NEK8: variants seen among roughly 807,000 people sequenced by gnomAD.
NEK8 encodes the protein NIMA related kinase 8.
In NEK8, 51 loss-of-function variants were observed where a neutral mutation model predicts 77.2. The ratio of observed to expected loss-of-function variants is 0.66; its 90% CI spans 0.53 to 0.83. The LOEUF (loss-of-function observed/expected upper bound fraction) is 0.83, where lower values mean the gene tolerates loss of function less well. Ranked by LOEUF, NEK8 falls within the 40% of genes least tolerant of loss-of-function variation. NEK8 has a pLI of 0.00. For synonymous variants in NEK8, 365 were observed against 363.2 expected, an observed-to-expected ratio of 1.00 and a Z score of -0.06; for missense variants, 787 against 909.2, an observed-to-expected ratio of 0.87 and a Z score of 1.73.
At chr17:28,735,454 C>A in intron 4 of NEK8, 83 bp downstream of exon 4, 2 of 1,464,038 alleles carry the variant, frequency 1.4e-6, no homozygotes. Context: ...CCTCAGGTTT[C>A]TCCTCTAGCT....
chr17:28,735,247 GT>G lies in NEK8; in HGVS notation c.495del (p.Thr166ProfsTer48). On this transcript the variant is annotated frameshift_variant, in exon 4 of 15. Coordinates refer to ENST00000268766, the MANE Select transcript of NEK8 (RefSeq NM_178170.3). LOFTEE classifies it high-confidence loss of function. ...SSKSKAYTVV[G>X]TPCYISPELC... ...CCAGCTTCTATCCTGCAGGTGGTGG[GT>G]ACCCCATGCTATATCTCCCCTGAGC... 1 of 1,614,062 alleles carries G rather than the reference GT, an allele frequency of 6.2e-7. No homozygotes were observed. The highest frequency in any genetic ancestry group is 8.5e-7 in the Non-Finnish European group (1 of 1,179,982).
chr17:28,735,803 T>C (rs892138535), intron 4 of NEK8, among the ~76,000 whole-genome samples: 1 of 152,118 alleles, frequency 6.6e-6, no homozygotes, highest in Non-Finnish European at 1.5e-5. Context: ...TACTTTAAGT[T>C]TTAGGGCACA....
At chr17:28,736,522 C>T (rs1056536307) in intron 4 of NEK8, among the ~76,000 whole-genome samples, 2 of 152,200 alleles carry the variant, frequency 1.3e-5, no homozygotes, top group African/African-American at 4.8e-5. Context: ...TCTTGATGGC[C>T]AGTGATGATG....
rs770252502 is a variant in NEK8, at chr17:28,738,719, G to A, written c.1271G>A (p.Gly424Asp). 1 of 1,614,138 alleles carries A rather than the reference G, an allele frequency of 6.2e-7. No individual in the cohort carries two copies. The highest frequency in any genetic ancestry group is 8.5e-7 in the Non-Finnish European group (1 of 1,179,978). ...TFGSGSNGCLGHGSLTDISQP... is the reference protein window; with the variant it reads ...TFGSGSNGCLDHGSLTDISQP... ...GGCAGCGGCAGCAATGGGTGCCTAG[G>A]CCATGGCAGCCTCACTGACATCAGC... The change falls in exon 9 of 15, where the codon GGC becomes GAC. Residue 424 changes from glycine (G) to aspartate (D), a missense_variant. Gly to Asp is a moderately conservative substitution (Grantham distance 94). Coordinates refer to ENST00000268766, the MANE Select transcript of NEK8 (RefSeq NM_178170.3).
Position 28,742,302 on chromosome 17 carries a change from G to A in NEK8, c.*315G>A. 1 of 501,334 alleles carries A rather than the reference G, an allele frequency of 2.0e-6. No homozygotes were observed. The highest frequency in any genetic ancestry group is 1.9e-5 in the African/African-American group (1 of 51,536). 31.1% of individuals were successfully genotyped at this position (501,334 alleles called of 1,614,324 possible). Reference sequence around the variant, plus strand: ...GGCCTCCAGAGCCTTGCCATAAAAAGGCTGAAGGCAGCCGGGCGCAGTGGC... The same window carrying A: ...GGCCTCCAGAGCCTTGCCATAAAAAAGCTGAAGGCAGCCGGGCGCAGTGGC... On this transcript the variant is annotated 3_prime_UTR_variant, in exon 15 of 15. Coordinates refer to ENST00000268766, the MANE Select transcript of NEK8 (RefSeq NM_178170.3).
Position 28,738,083 on chromosome 17 carries a change from C to G in NEK8, c.1072-12C>G, listed in dbSNP as rs780977790. On this transcript the variant is annotated splice_polypyrimidine_tract_variant and intron_variant, in intron 7 of 14. Transcript: ENST00000268766. ...GGGTGCTCAGGCGCTGCCCATCCCC[C>G]TGCCCCTGCAGGCCCCACCCCTAGG... is the stretch of plus-strand genomic sequence containing the variant. 23 of 1,612,874 alleles carry G rather than the reference C, an allele frequency of 1.4e-5. No homozygotes were observed. The highest frequency in any genetic ancestry group is 1.9e-5 in the Non-Finnish European group (22 of 1,179,628).
intron 1 of NEK8, among the ~76,000 whole-genome samples, chr17:28,731,908 A>ATTTTTTTTTTT (rs71135844): frequency 1.7e-4 from 9 of 52,528 alleles, no homozygotes; most frequent in East Asian, 6.0e-4. Context: ...CCTGGCCCCA[A>ATTTTTTTTTTT]TTTTTTTTTT....
chr17:28,734,292 G>C (rs2034339605), intron 2 of NEK8, 104 bp downstream of exon 2: 1 of 1,049,174 alleles, frequency 9.5e-7, no homozygotes, highest in South Asian at 1.3e-5. Context: ...CATGGCCAAG[G>C]GTTAGAGTTC....
rs778201727 is a variant in NEK8 at position 28,737,895 on chromosome 17, C to T, written c.966C>T (p.Gly322=). ...SSVYAWGGGL[G]TPLRLPMLNT... is the part of the protein sequence containing the mutation. ...TGTATGCCTGGGGTGGTGGGCTGGG[C>T]ACCCCCCTGCGGCTGCCAATGCTCA... The change falls in exon 7 of 15, where the codon GGC becomes GGT. Residue 322 remains glycine, a synonymous_variant. Coordinates refer to ENST00000268766, the MANE Select transcript of NEK8 (RefSeq NM_178170.3). This position sits in a 1 kb window ranked among gnomAD's most constrained non-coding sequence, Gnocchi z 4.8. 52 of 1,613,642 alleles carry T rather than the reference C, an allele frequency of 3.2e-5. No homozygotes were observed. The highest frequency in any genetic ancestry group is 4.1e-5 in the Non-Finnish European group (48 of 1,179,980).
At position 28,735,012 on chromosome 17, in the gene NEK8, G is replaced by C; in HGVS notation, c.486+8G>C. On this transcript the variant is annotated splice_region_variant and intron_variant, in intron 3 of 14. Coordinates refer to ENST00000268766, the MANE Select transcript of NEK8 (RefSeq NM_178170.3). ...AAGAGCAAGGCCTACACGGTGCCTG[G>C]GCATGGAAGGGACCTCCAGGGCACT... 1.9e-6 allele frequency: 3 copies of C among 1,597,914 alleles called. No individual in the cohort carries two copies. Among genetic ancestry groups the C allele is most frequent in the Non-Finnish European group, 2.6e-6 (3 of 1,168,640 alleles).
Position 28,734,398 on chromosome 17 carries a change from G to A in NEK8, c.253+210G>A, listed in dbSNP as rs563372561. Reference sequence around the variant, plus strand: ...AGGAGAGGGGTTGTTGGCTGGGCACGGTGGCTCATGCCTGTAATCTCAGCA... The same window carrying A: ...AGGAGAGGGGTTGTTGGCTGGGCACAGTGGCTCATGCCTGTAATCTCAGCA... On this transcript the variant is annotated intron_variant, in intron 2 of 14. Transcript: ENST00000268766. The A allele has an allele frequency of 1.7e-3, 1,060 of 607,884 alleles. 2 individuals are homozygous for A. Among genetic ancestry groups the A allele is most frequent in the Non-Finnish European group, 2.8e-3 (945 of 342,376 alleles). 37.7% of individuals were successfully genotyped at this position (607,884 alleles called of 1,614,324 possible). A position where few individuals can be genotyped will look rare whatever the true frequency, so the allele number is the denominator to read the frequency against.
chr17:28,732,289 TA>T (rs980735011), intron 1 of NEK8, among the ~76,000 whole-genome samples: 2 of 150,968 alleles, frequency 1.3e-5, no homozygotes. Context: ...CCCATATCTA[TA>T]AAAAAAAGAA....
chr17:28,732,201 C>T (rs2034314696), intron 1 of NEK8, among the ~76,000 whole-genome samples: 1 of 151,670 alleles, frequency 6.6e-6, no homozygotes, highest in Non-Finnish European at 1.5e-5. Context: ...TGCCCATAAT[C>T]CCAGCACTTT....
rs1567761142 is a variant in NEK8, at chr17:28,738,720, C to T, written c.1272C>T (p.Gly424=). Residue 424 remains glycine (G), a synonymous_variant, in exon 9 of 15, where the codon GGC becomes GGT. Coordinates refer to ENST00000268766, the MANE Select transcript of NEK8 (RefSeq NM_178170.3). ...GCAGCGGCAGCAATGGGTGCCTAGG[C>T]CATGGCAGCCTCACTGACATCAGCC... ...TFGSGSNGCL[G]HGSLTDISQP... 3 of 1,613,988 alleles carry T rather than the reference C, an allele frequency of 1.9e-6. No homozygotes were observed. Among genetic ancestry groups the T allele is most frequent in the Non-Finnish European group, 2.5e-6 (3 of 1,179,916 alleles).
chr17:28,741,939 TTC>T lies in NEK8; in HGVS notation c.2051-16_2051-15del. 1 of 1,614,008 alleles carries T rather than the reference TTC, an allele frequency of 6.2e-7. No individual in the cohort carries two copies. Among genetic ancestry groups the T allele is most frequent in the Non-Finnish European group, 8.5e-7 (1 of 1,179,940 alleles). On this transcript the variant is annotated intron_variant, in intron 14 of 14. Coordinates refer to ENST00000268766, the MANE Select transcript of NEK8 (RefSeq NM_178170.3). This position sits in a 1 kb window ranked among gnomAD's most constrained non-coding sequence, Gnocchi z 4.5. ...CACTGCCCTCAGAAGCTGCAAGGGTTTCTCTTCGGTACCCTCCAGCGGTCACA... is the reference window on the plus strand; with the variant it reads ...CACTGCCCTCAGAAGCTGCAAGGGTTTCTTCGGTACCCTCCAGCGGTCACA...
At chr17:28,734,674 G>C in intron 2 of NEK8, 98 bp from the exon 3 acceptor site, 1 of 821,538 alleles carries the variant, frequency 1.2e-6, no homozygotes. Context: ...GCAACAGAGC[G>C]AGACTCCATC....
intron 1 of NEK8, among the ~76,000 whole-genome samples, chr17:28,731,237 C>CA (rs932649141): frequency 2.7e-4 from 39 of 142,410 alleles, no homozygotes; most frequent in African/African-American, 6.5e-4. Context: ...AACTCTGTCT[C>CA]AAAAAAAAAT....
rs187185944 is a variant in NEK8, at chr17:28,728,912, C to A, written c.47+52C>A. ...CTGCTAGGGGATAGGGAAAATAAGC[C>A]CCAATTCCGCCCGCGAAGTCGCCGC... On this transcript the variant is annotated intron_variant, in intron 1 of 14. Coordinates refer to ENST00000268766, the MANE Select transcript of NEK8 (RefSeq NM_178170.3). 6.0e-4 allele frequency: 886 copies of A among 1,470,782 alleles called. 8 individuals carry two copies. The Middle Eastern group carries it at 8.8e-3, about 15-fold the overall frequency. 91.1% of individuals were successfully genotyped at this position (1,470,782 alleles called of 1,614,324 possible).
intron 1 of NEK8, among the ~76,000 whole-genome samples, chr17:28,732,744 G>C (rs1332863201): frequency 2.6e-5 from 4 of 151,792 alleles, no homozygotes; most frequent in African/African-American, 9.7e-5. Context: ...TGGAGATGGG[G>C]TTTCACCATT....
Sources: allele counts gnomAD v4.1 joint callset (sites outside exome capture counted in the v4.1 genomes callset), GRCh38; gene constraint gnomAD v4.1.1; non-coding constraint Gnocchi (gnomAD v3.1); transcripts MANE v1.5; gene names NCBI Gene and HGNC (gene_info 2026-07-23, HGNC 2026-07-21).